MIEF1: variants seen among roughly 807,000 people sequenced by gnomAD.
MIEF1 encodes the protein mitochondrial elongation factor 1, also known as mitochondrial dynamics protein MIEF1.
In MIEF1, 14 loss-of-function variants were observed where a neutral mutation model predicts 35.1. The observed-to-expected ratio is 0.40, with a 90% CI of 0.26 to 0.62. MIEF1 has a LOEUF of 0.62. Ranked by LOEUF, MIEF1 falls within the 20% of genes least tolerant of loss-of-function variation. The probability of loss-of-function intolerance (pLI) is 0.43; values close to 1 mark genes in which losing one functional copy is unlikely to be tolerated. For missense variants in MIEF1, 542 were observed against 615.4 expected (o/e 0.88, Z 1.26); for synonymous variants, 245 against 254.3 (o/e 0.96, Z 0.35).
chr22:39,508,503 T>C (rs1930164792), intron 2 of MIEF1, among the ~76,000 whole-genome samples: 1 of 152,198 alleles, frequency 6.6e-6, no homozygotes, highest in Admixed American at 6.5e-5. Flanking sequence ...CAAGAGACAT[T>C]GTTATGTGTG....
chr22:39,513,371 T>C (rs1930467178), intron 5 of MIEF1, 146 bp from the exon 6 acceptor site: 1 of 809,842 alleles, frequency 1.2e-6, no homozygotes. Flanking sequence ...CCCACAGTGC[T>C]GAGATTACAG....
At position 39,515,470 on chromosome 22, in the gene MIEF1, G is replaced by C. The variant is rs943937202; in HGVS notation, c.*1147G>C. ...AGAGGGGTGTTTGCTGAGCGCTCCG[G>C]GCACGGCCAGAGGGCAAGTGAGCAT... is the stretch of plus-strand genomic sequence containing the variant. On this transcript the variant is annotated 3_prime_UTR_variant, in exon 6 of 6. Transcript: ENST00000325301. The C allele has an allele frequency of 3.1e-6, 2 of 649,778 alleles. No homozygotes were observed. The highest frequency in any genetic ancestry group is 2.4e-5 in the Admixed American group (1 of 41,146). The allele number at this position is 649,778 out of a possible 1,614,324, so 40.3% of individuals were successfully genotyped here.
chr22:39,510,808 T>TAG (rs1397610473), intron 2 of MIEF1, among the ~76,000 whole-genome samples: 1 of 147,366 alleles, frequency 6.8e-6, no homozygotes, highest in Non-Finnish European at 1.5e-5. Context: ...TGTGAAGGGG[T>TAG]AGAGACCTGC....
chr22:39,514,331 GA>G lies in MIEF1; in HGVS notation c.*10del. The G allele has an allele frequency of 6.2e-7, 1 of 1,611,726 alleles. No individual in the cohort carries two copies. Among genetic ancestry groups the G allele is most frequent in the Non-Finnish European group, 8.5e-7 (1 of 1,178,610 alleles). On this transcript the variant is annotated 3_prime_UTR_variant, in exon 6 of 6. Transcript: ENST00000325301. Reference sequence around the variant, plus strand: ...GTGCTGCTGCAGACGTAGGGCAGGTGAAGGCCAAAGCGGGTGTTGGTGGTCA... The same window carrying G: ...GTGCTGCTGCAGACGTAGGGCAGGTGAGGCCAAAGCGGGTGTTGGTGGTCA...
intron 2 of MIEF1, among the ~76,000 whole-genome samples, chr22:39,507,052 T>C (rs750449353): frequency 1.3e-5 from 2 of 152,196 alleles, no homozygotes; most frequent in Non-Finnish European, 2.9e-5. Flanking sequence ...TGTAAGCTTA[T>C]GCAGCAGAAC....
At position 39,514,345 on chromosome 22, in the gene MIEF1, G is replaced by A; in HGVS notation, c.*22G>A. On this transcript the variant is annotated 3_prime_UTR_variant, in exon 6 of 6. Transcript: ENST00000325301. ...GTAGGGCAGGTGAAGGCCAAAGCGG[G>A]TGTTGGTGGTCAGGCCCTGGATTCT... The A allele has an allele frequency of 1.2e-6, 2 of 1,608,574 alleles. No individual in the cohort carries two copies. Among genetic ancestry groups the A allele is most frequent in the Non-Finnish European group, 1.7e-6 (2 of 1,176,764 alleles).
chr22:39,505,172 T>G (rs930223003), intron 2 of MIEF1, among the ~76,000 whole-genome samples: 2 of 151,730 alleles, frequency 1.3e-5, no homozygotes, highest in Non-Finnish European at 2.9e-5. Flanking sequence ...CCAGCCTGGG[T>G]GACAGAGTGA....
rs752098023 is a variant in MIEF1, at chr22:39,513,968, C to T, written c.1037C>T (p.Thr346Met). The change falls in exon 6 of 6, where the codon ACG becomes ATG. Residue 346 changes from threonine to methionine, a missense_variant. Thr to Met is a moderately conservative substitution (Grantham distance 81). Transcript: ENST00000325301. ...CGGCTGAGCCTGCGTCCCGCGGAGA[C>T]GGCACGCCTGCGGGCTCTGGACCAG... ...LWRLSLRPAE[T>M]ARLRALDQAD... 51 of 1,612,982 alleles carry T rather than the reference C, an allele frequency of 3.2e-5. No homozygotes were observed. Among genetic ancestry groups the T allele is most frequent in the East Asian group, 4.5e-5 (2 of 44,900 alleles).
At chr22:39,503,500 A>G (rs1335637734) in intron 1 of MIEF1, 1 of 152,246 alleles carries the variant, frequency 6.6e-6, no homozygotes, top group Non-Finnish European at 1.5e-5. Context: ...GAAGGAAGGC[A>G]GTGGCAGTTT....
chr22:39,507,394 T>C (rs149159312), intron 2 of MIEF1, among the ~76,000 whole-genome samples: 1,773 of 151,858 alleles, frequency 0.012, 31 homozygotes, highest in African/African-American at 0.041. Flanking sequence ...TACAGGCGCC[T>C]GCCACCACAC....
In MIEF1 at chr22:39,511,988, T is replaced by G; in HGVS notation, c.284T>G (p.Leu95Trp). 1 of 1,614,012 alleles carries G rather than the reference T, an allele frequency of 6.2e-7. No individual in the cohort carries two copies. ...ATGAAGACGGGCCTGAGCCGGTCCT[T>G]GCAGACCCTTCCCACAGACTCCTCC... ...RDMKTGLSRS[L>W]QTLPTDSSTF... The change falls in exon 4 of 6, where the codon TTG becomes TGG. Residue 95 changes from leucine (L) to tryptophan (W), a missense_variant. Leu to Trp is a moderately conservative substitution (Grantham distance 61, BLOSUM62 -2). Transcript: ENST00000325301.
Position 39,514,560 on chromosome 22 carries a change from A to G in MIEF1, c.*237A>G. 1.8e-6 allele frequency: 1 copy of G among 554,596 alleles called. No individual in the cohort carries two copies. The allele number at this position is 554,596 out of a possible 1,614,324, so 34.4% of individuals were successfully genotyped here. On this transcript the variant is annotated 3_prime_UTR_variant, in exon 6 of 6. Coordinates refer to ENST00000325301, the MANE Select transcript of MIEF1 (RefSeq NM_019008.6). The stretch of plus-strand genomic sequence containing the variant: ...CTCTGCCGCCCCCTGGCTCCAGGCT[A>G]ATTTTTCTGGAATGAATTGAGAAGG...
Position 39,517,864 on chromosome 22 carries a change from T to C in MIEF1, c.*3541T>C, listed in dbSNP as rs997210184. ...TACATTTGGATCACCTTGTAGTCTT[T>C]AAATTCTTGGTCCCTGAGGCCAAGT... is the stretch of plus-strand genomic sequence containing the variant. On this transcript the variant is annotated 3_prime_UTR_variant, in exon 6 of 6. Coordinates refer to ENST00000325301, the MANE Select transcript of MIEF1 (RefSeq NM_019008.6). 14 of 243,078 alleles carry C rather than the reference T, an allele frequency of 5.8e-5. No individual in the cohort carries two copies. Among genetic ancestry groups the C allele is most frequent in the African/African-American group, 3.2e-4 (14 of 43,428 alleles). The allele number at this position is 243,078 out of a possible 1,614,324, so 15.1% of individuals were successfully genotyped here. A position where few individuals can be genotyped will look rare whatever the true frequency, so the allele number is the denominator to read the frequency against.
rs1485792153 is a variant in MIEF1, at chr22:39,518,119, TCTC to T, written c.*3799_*3801del. 6.5e-6 allele frequency: 1 copy of T among 153,324 alleles called. No individual in the cohort carries two copies. The allele number at this position is 153,324 out of a possible 1,614,324, so 9.5% of individuals were successfully genotyped here. On this transcript the variant is annotated 3_prime_UTR_variant, in exon 6 of 6. Coordinates refer to ENST00000325301, the MANE Select transcript of MIEF1 (RefSeq NM_019008.6). ...TAGCATGGGAAGAAGAAAATAAACA[TCTC>T]CTTTCCAACAGCTGTGACTTGTGTG...
At chr22:39,507,312 C>G (rs990214644) in intron 2 of MIEF1, among the ~76,000 whole-genome samples, 93 of 151,922 alleles carry the variant, frequency 6.1e-4, no homozygotes, top group Non-Finnish European at 1.2e-3. Context: ...TGGGTGCAAT[C>G]TTGGCTCACT....
chr22:39,503,272 A>T (rs1929845752), intron 1 of MIEF1: 1 of 152,136 alleles, frequency 6.6e-6, no homozygotes, highest in Non-Finnish European at 1.5e-5. Flanking sequence ...TGTTTCCTCC[A>T]CTTAAAATGG....
chr22:39,505,626 T>C (rs1241047259), intron 2 of MIEF1, among the ~76,000 whole-genome samples: 3 of 152,198 alleles, frequency 2.0e-5, no homozygotes, highest in African/African-American at 4.8e-5. Context: ...GTAATGTATA[T>C]CTTCTTATGT....
intron 2 of MIEF1, among the ~76,000 whole-genome samples, chr22:39,510,439 T>C (rs549547463): frequency 1.1e-4 from 16 of 152,166 alleles, no homozygotes; most frequent in Non-Finnish European, 2.2e-4. Flanking sequence ...AATTTATTTT[T>C]ATCTTTTACT....
rs757696205 is a variant in MIEF1, at chr22:39,513,763, G to A, written c.832G>A (p.Ala278Thr). 18 of 1,614,032 alleles carry A rather than the reference G, an allele frequency of 1.1e-5. No individual in the cohort carries two copies. The highest frequency in any genetic ancestry group is 1.4e-5 in the Non-Finnish European group (17 of 1,180,046). The change falls in exon 6 of 6, where the codon GCC becomes ACC. Residue 278 changes from alanine (A) to threonine (T), a missense_variant. Transcript: ENST00000325301. ...AGTGGCTGGCTCCATCAATTGGCCA[G>A]CCATAGGGTCCCTCTTGGACTATGT... ...KVVAGSINWP[A>T]IGSLLDYVIR...
Sources: gnomAD v4.1 joint callset for allele counts (sites outside exome capture counted in the v4.1 genomes callset) on GRCh38, gnomAD v4.1.1 for gene constraint, MANE v1.5 for transcripts, NCBI Gene and HGNC (gene_info 2026-07-23, HGNC 2026-07-21) for gene names.